Variants in CCDC7 observed in about 807,000 individuals in gnomAD.
CCDC7 encodes the protein coiled-coil domain containing 7, also known as coiled-coil domain-containing protein 7.
In CCDC7, 183 loss-of-function variants were observed where a neutral mutation model predicts 196.9. The ratio of observed to expected loss-of-function variants is 0.93; its 90% CI spans 0.82 to 1.05. The LOEUF (loss-of-function observed/expected upper bound fraction) is 1.05. Among genes scored for constraint, CCDC7 ranks in the 50% least tolerant of loss-of-function variants. The pLI, the probability that CCDC7 is intolerant of heterozygous loss-of-function variation, is 0.00. For missense variants in CCDC7, 1,540 were observed against 1,482.2 expected (o/e 1.04, Z -0.64); for synonymous variants, 525 against 484.6 (o/e 1.08, Z -1.10).
chr10:32,711,214 G>GCA (rs2080784132), intron 24 of CCDC7, among the ~76,000 whole-genome samples: 1 of 151,188 alleles, frequency 6.6e-6, no homozygotes, highest in Admixed American at 6.6e-5. Flanking sequence ...GTGTGTGTGT[G>GCA]TATATATATA....
At chr10:32,864,547 T>G (rs1539384) in intron 41 of CCDC7, among the ~76,000 whole-genome samples, 148,715 of 151,122 alleles carry the variant, frequency 0.98, 73,218 homozygotes, top group Middle Eastern at 1. Context: ...GAAATTTTCA[T>G]AGCTAAATAC....
chr10:32,729,264 G>A, intron 27 of CCDC7, 68 bp from the exon 29 acceptor site: 1 of 1,397,776 alleles, frequency 7.2e-7, no homozygotes, highest in Non-Finnish European at 9.7e-7. Context: ...TACTTCCATG[G>A]GTTGAAATTC....
intron 33 of CCDC7, among the ~76,000 whole-genome samples, chr10:32,835,956 G>A (rs931738653): frequency 2.6e-5 from 4 of 152,098 alleles, no homozygotes; most frequent in Admixed American, 2.6e-4. Context: ...ATAAGAAGAG[G>A]AGTATAACAG....
chr10:32,476,056 C>T (rs1390606197), intron 8 of CCDC7, among the ~76,000 whole-genome samples: 1 of 152,116 alleles, frequency 6.6e-6, no homozygotes, highest in African/African-American at 2.4e-5. Flanking sequence ...AATTTTGATA[C>T]ATTATTATTA....
At chr10:32,690,829 A>G (rs939218453) in intron 23 of CCDC7, among the ~76,000 whole-genome samples, 6 of 152,202 alleles carry the variant, frequency 3.9e-5, no homozygotes, top group Non-Finnish European at 8.8e-5. Flanking sequence ...TAGAAAATAC[A>G]TCTATACCAA....
intron 8 of CCDC7, among the ~76,000 whole-genome samples, chr10:32,487,216 CT>C (rs1157763264): frequency 6.6e-6 from 1 of 152,150 alleles, no homozygotes; most frequent in African/African-American, 2.4e-5. Flanking sequence ...AACTTCTCTT[CT>C]TACTTCATTT....
At chr10:32,718,164 A>C (rs2081903284) in intron 25 of CCDC7, among the ~76,000 whole-genome samples, 1 of 152,168 alleles carries the variant, frequency 6.6e-6, no homozygotes, top group Non-Finnish European at 1.5e-5. Context: ...ATCCAGCTGC[A>C]CGTTAAAAAG....
chr10:32,632,804 T>C (rs985037071), intron 18 of CCDC7, among the ~76,000 whole-genome samples: 2 of 152,166 alleles, frequency 1.3e-5, no homozygotes, highest in African/African-American at 4.8e-5. Flanking sequence ...GAAGAACAAC[T>C]TTGGCATGAG....
chr10:32,637,519 T>G (rs2065872247), intron 20 of CCDC7, among the ~76,000 whole-genome samples: 1 of 152,228 alleles, frequency 6.6e-6, no homozygotes, highest in Non-Finnish European at 1.5e-5. Context: ...TTGTCAGGTT[T>G]GTCAAAGATC....
At chr10:32,693,229 G>T (rs79353951) in intron 23 of CCDC7, among the ~76,000 whole-genome samples, 1,744 of 152,184 alleles carry the variant, frequency 0.011, 11 homozygotes, top group Middle Eastern at 0.024. Context: ...TGTAGGACAT[G>T]AAACTACTTT....
rs537623991 is a variant in CCDC7 at position 32,560,856 on chromosome 10, A to C, written c.1135-4702A>C. 7.6e-4 allele frequency among the ~76,000 whole-genome samples: 116 copies of C among 152,388 alleles called. 2 individuals carry two copies. In the South Asian group the frequency reaches 0.019, roughly 24 times the overall value. On this transcript the variant is annotated intron_variant, in intron 13 of 41. Coordinates refer to ENST00000639629, the Ensembl canonical transcript of CCDC7. Reference sequence around the variant, plus strand: ...TAAATGTAAATGGGCTAAATGCTCCAATTAAAAGACACAGACTGGCAAACT... The same window carrying C: ...TAAATGTAAATGGGCTAAATGCTCCCATTAAAAGACACAGACTGGCAAACT...
At chr10:32,732,268 T>C (rs993895713) in intron 28 of CCDC7, among the ~76,000 whole-genome samples, 6 of 152,152 alleles carry the variant, frequency 3.9e-5, no homozygotes, top group African/African-American at 9.6e-5. Context: ...ACTTAATACT[T>C]GCAGAAAAGT....
At chr10:32,534,726 G>A (rs1402816275) in intron 11 of CCDC7, among the ~76,000 whole-genome samples, 1 of 151,996 alleles carries the variant, frequency 6.6e-6, no homozygotes, top group Non-Finnish European at 1.5e-5. Context: ...TGGGCCAAAG[G>A]ATTTGGGAAT....
intron 16 of CCDC7, among the ~76,000 whole-genome samples, chr10:32,577,037 T>C (rs1253818516): frequency 6.6e-6 from 1 of 152,146 alleles, no homozygotes; most frequent in Non-Finnish European, 1.5e-5. Flanking sequence ...ACTATTTCCT[T>C]GGGCAAATGT....
chr10:32,799,298 T>C (rs1252290004), intron 29 of CCDC7, among the ~76,000 whole-genome samples: 3 of 152,134 alleles, frequency 2.0e-5, no homozygotes, highest in African/African-American at 7.2e-5. Context: ...GATTCACCTA[T>C]GGGGGCCTGC....
chr10:32,797,159 G>A (rs1333662977), intron 29 of CCDC7, among the ~76,000 whole-genome samples: 1 of 150,634 alleles, frequency 6.6e-6, no homozygotes, highest in Admixed American at 6.7e-5. Context: ...TGTGGTATGT[G>A]TATGTATATA....
At position 32,840,644 on chromosome 10, in the gene CCDC7, A is replaced by G. The variant is rs149735003; in HGVS notation, c.3353-4599A>G. On this transcript the variant is annotated intron_variant, in intron 33 of 41. Coordinates refer to ENST00000639629, the Ensembl canonical transcript of CCDC7. ...TACAGAAAGAGGGAATCCTCCCTAAATCATTCTATGAAGCCAGTATCACCC... is the reference window on the plus strand; with the variant it reads ...TACAGAAAGAGGGAATCCTCCCTAAGTCATTCTATGAAGCCAGTATCACCC... Among the ~76,000 whole-genome samples, 48 of 152,052 alleles carry G rather than the reference A, an allele frequency of 3.2e-4. No homozygotes were observed. In the East Asian group the frequency reaches 6.8e-3, roughly 21 times the overall value.
At chr10:32,638,418 G>T (rs1269785014) in intron 20 of CCDC7, among the ~76,000 whole-genome samples, 4 of 152,044 alleles carry the variant, frequency 2.6e-5, no homozygotes, top group Non-Finnish European at 5.9e-5. Context: ...AATACCTAAT[G>T]TATTGAGAGT....
chr10:32,760,430 T>C (rs1040410078), intron 28 of CCDC7, among the ~76,000 whole-genome samples: 8 of 151,714 alleles, frequency 5.3e-5, no homozygotes, highest in Non-Finnish European at 1.0e-4. Context: ...AAATGATGAG[T>C]TCATGTCCTT....
Sources: gnomAD v4.1 joint callset for allele counts (sites outside exome capture counted in the v4.1 genomes callset) on GRCh38, gnomAD v4.1.1 for gene constraint, MANE v1.5 for transcripts, NCBI Gene and HGNC (gene_info 2026-07-23, HGNC 2026-07-21) for gene names.